Variants in ARHGAP21 observed in about 807,000 individuals in gnomAD.
ARHGAP21 encodes rho GTPase-activating protein 21.
ARHGAP21 carries 38 observed loss-of-function variants against 164.6 expected under a neutral mutation model. That is an observed-to-expected ratio of 0.23 (90% CI 0.18 to 0.30). ARHGAP21 has a LOEUF of 0.30. ARHGAP21 is among the 10% of genes least tolerant of loss of function. The pLI is 1.00. For missense variants in ARHGAP21, 1,822 were observed against 2,370.7 expected, an observed-to-expected ratio of 0.77 and a Z score of 4.81; for synonymous variants, 766 against 857.9, an observed-to-expected ratio of 0.89 and a Z score of 1.87.
At position 24,620,317 on chromosome 10, in the gene ARHGAP21, G is replaced by A. The variant is rs1834414213; in HGVS notation, c.1578C>T (p.Tyr526=). The change falls in exon 9 of 26, where the codon TAC becomes TAT. Residue 526 remains tyrosine (Y), a synonymous_variant. Transcript: ENST00000396432. ...PDSNGEKKQT[Y]KWSGFTEQDD... is the part of the protein sequence containing the mutation. ...CCTGTTCAGTAAACCCACTCCACTT[G>A]TAAGTCTGTTTTTTCTCTCCATTGG... The A allele has an allele frequency of 1.2e-6, 2 of 1,613,930 alleles. No individual in the cohort carries two copies. The highest frequency in any genetic ancestry group is 1.7e-6 in the Non-Finnish European group (2 of 1,179,868).
chr10:24,666,983 A>G lies in ARHGAP21; in HGVS notation c.268+2T>C. The G allele has an allele frequency of 7.0e-7, 1 of 1,435,750 alleles. No individual in the cohort carries two copies. Among genetic ancestry groups the G allele is most frequent in the Admixed American group, 2.1e-5 (1 of 47,478 alleles). 88.9% of individuals were successfully genotyped at this position (1,435,750 alleles called of 1,614,324 possible). A position where few individuals can be genotyped will look rare whatever the true frequency, so the allele number is the denominator to read the frequency against. On this transcript the variant is annotated splice_donor_variant, in intron 4 of 25. Transcript: ENST00000396432. LOFTEE classifies it high-confidence loss of function. ...AGATAAATTAAAATGTTTATAGCAT[A>G]CCTCCTCTGTTTCCATTTTCTTCAT...
intron 4 of ARHGAP21, among the ~76,000 whole-genome samples, chr10:24,642,862 C>T (rs1001770015): frequency 6.6e-6 from 1 of 152,160 alleles, no homozygotes; most frequent in Non-Finnish European, 1.5e-5. Flanking sequence ...ATCTCCAGCA[C>T]ACAGAACACT....
At chr10:24,661,599 CA>C (rs1228871764) in intron 4 of ARHGAP21, among the ~76,000 whole-genome samples, 3 of 152,140 alleles carry the variant, frequency 2.0e-5, no homozygotes, top group African/African-American at 7.2e-5. Flanking sequence ...ATTTTCTCTC[CA>C]GTGATTCTAG....
chr10:24,662,417 C>G (rs1405688119), intron 4 of ARHGAP21, among the ~76,000 whole-genome samples: 3 of 152,142 alleles, frequency 2.0e-5, no homozygotes, highest in African/African-American at 7.2e-5. Flanking sequence ...TGTGGGCAAG[C>G]TATTTCTCAG....
chr10:24,664,283 G>T (rs879327806), intron 4 of ARHGAP21, among the ~76,000 whole-genome samples: 2 of 152,074 alleles, frequency 1.3e-5, no homozygotes, highest in Non-Finnish European at 2.9e-5. Context: ...CCGGCCAGGT[G>T]CAGTGGCTCA....
chr10:24,606,202 A>G (rs756280003), intron 11 of ARHGAP21, among the ~76,000 whole-genome samples: 3 of 152,182 alleles, frequency 2.0e-5, no homozygotes, highest in Non-Finnish European at 2.9e-5. Flanking sequence ...AAGTCCACAA[A>G]TATTTCCTAA....
At position 24,602,084 on chromosome 10, in the gene ARHGAP21, G is replaced by A. The variant is rs145052751; in HGVS notation, c.2741C>T (p.Ser914Leu). The A allele has an allele frequency of 3.2e-5, 51 of 1,613,404 alleles. No homozygotes were observed. In the African/African-American group the frequency reaches 6.1e-4, roughly 19 times the overall value. ...TTTTCTGGACCCAGAGTCTTCTGAT[G>A]ACTTTTGGCTGTCTGCGATCTATAG... ...KGIKIADSQK[S>L]SEDSGSRKDS... The change falls in exon 13 of 26, where the codon TCA (serine) becomes TTA (leucine). Residue 914 changes from serine to leucine, a missense_variant. Transcript: ENST00000396432.
intron 13 of ARHGAP21, among the ~76,000 whole-genome samples, chr10:24,601,369 A>C (rs1564983351): frequency 6.6e-6 from 1 of 152,228 alleles, no homozygotes; most frequent in East Asian, 1.9e-4. Context: ...CATCAACTTT[A>C]TATGGCTAAG....
At chr10:24,665,195 A>T (rs1840072070) in intron 4 of ARHGAP21, among the ~76,000 whole-genome samples, 1 of 152,014 alleles carries the variant, frequency 6.6e-6, no homozygotes. Flanking sequence ...TTTGGAATTC[A>T]TCCTAACCCT....
chr10:24,601,027 T>C, intron 13 of ARHGAP21, 97 bp from the exon 14 acceptor site: 3 of 1,392,376 alleles, frequency 2.2e-6, no homozygotes, highest in Non-Finnish European at 2.9e-6. Context: ...TGCATTTACA[T>C]ATAACTAGTG....
chr10:24,688,461 A>G (rs1282701747), intron 2 of ARHGAP21, among the ~76,000 whole-genome samples: 1 of 152,198 alleles, frequency 6.6e-6, no homozygotes, highest in African/African-American at 2.4e-5. Flanking sequence ...AAGAGGTTAA[A>G]TGATTTGCCA....
chr10:24,653,666 T>C (rs564573533), intron 4 of ARHGAP21, among the ~76,000 whole-genome samples: 2 of 152,266 alleles, frequency 1.3e-5, no homozygotes, highest in South Asian at 4.2e-4. Context: ...GCAATCTTTC[T>C]GTCCTCAGCC....
At chr10:24,598,331 C>T (rs770688522) in intron 14 of ARHGAP21, among the ~76,000 whole-genome samples, 13 of 152,202 alleles carry the variant, frequency 8.5e-5, no homozygotes, top group Non-Finnish European at 1.6e-4. Context: ...CCAGTGTTTT[C>T]TCTAATACCA....
At chr10:24,687,328 A>T (rs1842307447) in intron 2 of ARHGAP21, among the ~76,000 whole-genome samples, 1 of 152,258 alleles carries the variant, frequency 6.6e-6, no homozygotes, top group Non-Finnish European at 1.5e-5. Flanking sequence ...CCCAACACAA[A>T]ACCTGACAGA....
chr10:24,653,505 G>A (rs893804300), intron 4 of ARHGAP21, among the ~76,000 whole-genome samples: 13 of 152,128 alleles, frequency 8.5e-5, no homozygotes, highest in East Asian at 3.9e-4. Flanking sequence ...CCCGGGAAGC[G>A]GAGCTTGCAG....
At chr10:24,720,516 AAAAAGT>A (rs1285089111) in intron 2 of ARHGAP21, among the ~76,000 whole-genome samples, 2 of 152,242 alleles carry the variant, frequency 1.3e-5, no homozygotes, top group African/African-American at 2.4e-5. Flanking sequence ...TACAGATGTC[AAAAAGT>A]AAAACACTGA....
In ARHGAP21 at chr10:24,621,389, A is replaced by C. The variant is rs1834528106; in HGVS notation, c.526-20T>G. The C allele has an allele frequency of 6.5e-7, 1 of 1,542,160 alleles. No homozygotes were observed. Among genetic ancestry groups the C allele is most frequent in the Non-Finnish European group, 8.8e-7 (1 of 1,142,668 alleles). ...ATATGCCTGTATAGAAATGAGAGGA[A>C]GGTGTCACTGGAAATTCATAAAAAG... On this transcript the variant is annotated intron_variant, in intron 8 of 25. Transcript: ENST00000396432.
At chr10:24,592,117 G>T in intron 21 of ARHGAP21, 105 bp from the exon 22 acceptor site, 1 of 971,552 alleles carries the variant, frequency 1.0e-6, no homozygotes, top group Non-Finnish European at 1.4e-6. Flanking sequence ...CAGAAAAATA[G>T]CTTTGATGTA....
At chr10:24,678,621 TC>T (rs1486936652) in intron 2 of ARHGAP21, among the ~76,000 whole-genome samples, 2 of 152,136 alleles carry the variant, frequency 1.3e-5, no homozygotes, top group Non-Finnish European at 2.9e-5. Flanking sequence ...CACCTCAGCC[TC>T]CCAAGTAGCT....
Sources: allele counts gnomAD v4.1 joint callset (sites outside exome capture counted in the v4.1 genomes callset), GRCh38; gene constraint gnomAD v4.1.1; transcripts MANE v1.5; gene names NCBI Gene and HGNC (gene_info 2026-07-23, HGNC 2026-07-21).